SCAI: variants seen among roughly 807,000 people sequenced by gnomAD.
SCAI encodes the protein protein SCAI.
In SCAI, 24 loss-of-function variants were observed where a neutral mutation model predicts 92.2. The ratio of observed to expected loss-of-function variants is 0.26; its 90% confidence interval spans 0.19 to 0.37. The LOEUF (loss-of-function observed/expected upper bound fraction) is 0.37. Ranked by LOEUF, SCAI falls within the 10% of genes least tolerant of loss-of-function variation. The pLI, the probability that SCAI is intolerant of heterozygous loss-of-function variation, is 1.00. For missense variants in SCAI, 450 were observed against 736.2 expected (o/e 0.61, Z 4.50); for synonymous variants, 261 against 258.6 (o/e 1.01, Z -0.09).
chr9:125,116,514 A>C (rs1313183372), intron 2 of SCAI, among the ~76,000 whole-genome samples: 1 of 152,136 alleles, frequency 6.6e-6, no homozygotes, highest in South Asian at 2.1e-4. Flanking sequence ...CTATAACATG[A>C]AACAGTCACT....
rs1832814995 is a variant in SCAI at position 125,018,897 on chromosome 9, G to A, written c.763C>T (p.Arg255Cys). The A allele has an allele frequency of 6.2e-7, 1 of 1,613,778 alleles. No homozygotes were observed. Among genetic ancestry groups the A allele is most frequent in the Non-Finnish European group, 8.5e-7 (1 of 1,179,928 alleles). ...DDNTIVITSNRLAETGAPLLE... is the reference protein window; with the variant it reads ...DDNTIVITSNCLAETGAPLLE... ...AATGGGGCTCCTGTTTCAGCAAGGC[G>A]ATTCGATGTGATAACAATGGTATTA... Residue 255 changes from arginine to cysteine, a missense_variant, in exon 9 of 18, where the codon CGC becomes TGC. By Grantham distance (180) the Arg-to-Cys change is radical. Transcript: ENST00000336505.
At chr9:125,108,639 CCGCCCCG>C in intron 2 of SCAI, among the ~76,000 whole-genome samples, 1 of 150,448 alleles carries the variant, frequency 6.6e-6, no homozygotes, top group African/African-American at 2.4e-5. Flanking sequence ...CGCCCGGCAG[CCGCCCCG>C]TCTGAGAAGT....
At chr9:125,132,396 G>A (rs1366570258) in intron 2 of SCAI, among the ~76,000 whole-genome samples, 1 of 152,066 alleles carries the variant, frequency 6.6e-6, no homozygotes, top group Non-Finnish European at 1.5e-5. Flanking sequence ...ACAGGTGTGA[G>A]CCACTGCATC....
intron 2 of SCAI, among the ~76,000 whole-genome samples, chr9:125,139,707 G>A (rs1417306663): frequency 6.6e-6 from 1 of 152,186 alleles, no homozygotes; most frequent in Non-Finnish European, 1.5e-5. Flanking sequence ...AAGCAATGAG[G>A]AAGCACAGAG....
chr9:125,032,759 G>A (rs1017229584), intron 3 of SCAI, among the ~76,000 whole-genome samples: 66 of 151,626 alleles, frequency 4.4e-4, no homozygotes, highest in Admixed American at 1.3e-3. Flanking sequence ...GATTACAGGC[G>A]CCCGTCACCA....
At chr9:125,038,471 T>C (rs1403382028) in intron 3 of SCAI, among the ~76,000 whole-genome samples, 3 of 152,244 alleles carry the variant, frequency 2.0e-5, no homozygotes, top group Non-Finnish European at 4.4e-5. Context: ...GGCCAGCAGC[T>C]GTGTGTCTCC....
chr9:124,996,063 T>C (rs1455415516), intron 13 of SCAI, among the ~76,000 whole-genome samples: 1 of 152,030 alleles, frequency 6.6e-6, no homozygotes, highest in Non-Finnish European at 1.5e-5. Context: ...CAAATAAAAG[T>C]TTTTCTTTTA....
At chr9:125,105,569 T>C (rs1834759020) in intron 2 of SCAI, among the ~76,000 whole-genome samples, 1 of 152,236 alleles carries the variant, frequency 6.6e-6, no homozygotes, top group Non-Finnish European at 1.5e-5. Flanking sequence ...CAAATCTCTA[T>C]AATTCTGTAC....
At chr9:125,011,581 A>C (rs1003436697) in intron 9 of SCAI, among the ~76,000 whole-genome samples, 1 of 152,254 alleles carries the variant, frequency 6.6e-6, no homozygotes, top group Non-Finnish European at 1.5e-5. Context: ...AGTGACAGGG[A>C]GAATGGAACC....
intron 2 of SCAI, among the ~76,000 whole-genome samples, chr9:125,099,954 G>A (rs1328203076): frequency 6.6e-6 from 1 of 152,192 alleles, no homozygotes. Context: ...GGACATCCGG[G>A]TTGTGTGCAC....
At chr9:125,116,864 G>T (rs1297895071) in intron 2 of SCAI, among the ~76,000 whole-genome samples, 5 of 151,930 alleles carry the variant, frequency 3.3e-5, no homozygotes, top group African/African-American at 9.7e-5. Flanking sequence ...AAAATTTTAA[G>T]AATAATTTAT....
chr9:125,008,381 C>T (rs1832559649), intron 9 of SCAI, among the ~76,000 whole-genome samples: 1 of 152,168 alleles, frequency 6.6e-6, no homozygotes, highest in African/African-American at 2.4e-5. Context: ...AAGTGATCTA[C>T]CCAGCTAGGC....
intron 2 of SCAI, among the ~76,000 whole-genome samples, chr9:125,140,076 C>G (rs1835630496): frequency 6.6e-6 from 1 of 151,730 alleles, no homozygotes; most frequent in African/African-American, 2.4e-5. Flanking sequence ...AAAAAGTTAG[C>G]CTGGCATGGT....
chr9:124,963,117 A>T (rs748217387), intron 17 of SCAI, among the ~76,000 whole-genome samples: 2 of 148,820 alleles, frequency 1.3e-5, no homozygotes, highest in Non-Finnish European at 1.5e-5. Flanking sequence ...GTATTCTTAC[A>T]ATACAGTTAG....
At chr9:125,054,617 C>T (rs1833628251) in intron 3 of SCAI, among the ~76,000 whole-genome samples, 1 of 150,700 alleles carries the variant, frequency 6.6e-6, no homozygotes, top group Non-Finnish European at 1.5e-5. Flanking sequence ...AGATTTAAAC[C>T]CCAGGCATAC....
At chr9:125,117,919 C>G (rs1296723357) in intron 2 of SCAI, among the ~76,000 whole-genome samples, 1 of 152,044 alleles carries the variant, frequency 6.6e-6, no homozygotes, top group Non-Finnish European at 1.5e-5. Context: ...TTGGGTCAAT[C>G]ACTTTAATTT....
chr9:125,110,399 A>G (rs375442004), intron 2 of SCAI, among the ~76,000 whole-genome samples: 8 of 152,216 alleles, frequency 5.3e-5, no homozygotes, highest in Admixed American at 5.2e-4. Context: ...AATCCCAGCT[A>G]TTCAAGAGAC....
At chr9:125,118,512 CAATAAATAAATA>C (rs57372605) in intron 2 of SCAI, among the ~76,000 whole-genome samples, 2 of 148,816 alleles carry the variant, frequency 1.3e-5, no homozygotes, top group Admixed American at 6.7e-5. Flanking sequence ...GACCCTGTCT[CAATAAATAAATA>C]AATAAATAAA....
intron 2 of SCAI, among the ~76,000 whole-genome samples, chr9:125,104,283 A>T (rs759946580): frequency 1.6e-4 from 25 of 152,172 alleles, no homozygotes; most frequent in Non-Finnish European, 8.8e-5. Context: ...AAAACGACAA[A>T]GGAGTGTCCA....
Sources: gnomAD v4.1 joint callset for allele counts (sites outside exome capture counted in the v4.1 genomes callset) on GRCh38, gnomAD v4.1.1 for gene constraint, MANE v1.5 for transcripts, NCBI Gene and HGNC (gene_info 2026-07-23, HGNC 2026-07-21) for gene names.